The following C5 variants were observed in gnomAD, a reference collection of about 807,000 sequenced individuals.
C5 encodes the protein C3 and PZP-like alpha-2-macroglobulin domain-containing protein 4.
C5 carries 140 observed loss-of-function variants against 218.8 expected under a neutral mutation model. That is an observed-to-expected ratio of 0.64 (90% CI 0.56 to 0.74). The LOEUF (loss-of-function observed/expected upper bound fraction) is 0.74. Ranked by LOEUF, C5 falls within the 30% of genes least tolerant of loss-of-function variation. The probability of loss-of-function intolerance (pLI) is 0.00; values close to 1 mark genes in which losing one functional copy is unlikely to be tolerated. For synonymous variants in C5, 614 were observed against 682.3 expected (o/e 0.90, Z 1.56); for missense variants, 1,700 against 1,969.6 (o/e 0.86, Z 2.59).
intron 3 of C5, among the ~76,000 whole-genome samples, chr9:121,040,114 G>A (rs1034951637): frequency 1.3e-5 from 2 of 152,244 alleles, no homozygotes; most frequent in Non-Finnish European, 2.9e-5. Context: ...GCATGTAGAA[G>A]AGGGAGATTT....
At chr9:121,021,398 G>C (rs761122545) in intron 11 of C5, 111 bp downstream of exon 11, 1 of 818,766 alleles carries the variant, frequency 1.2e-6, no homozygotes, top group Non-Finnish European at 2.1e-6. Context: ...TTATGGAACT[G>C]TTCACTGGAC....
intron 7 of C5, among the ~76,000 whole-genome samples, chr9:121,028,703 G>A (rs1004937930): frequency 1.3e-5 from 2 of 152,098 alleles, no homozygotes; most frequent in Non-Finnish European, 2.9e-5. Context: ...ATGGGGTGGG[G>A]GACGGGGAGG....
intron 14 of C5, 152 bp downstream of exon 14, chr9:121,017,210 G>T: frequency 1.2e-6 from 1 of 815,408 alleles, no homozygotes; most frequent in Non-Finnish European, 2.0e-6. Flanking sequence ...TGTGCTTTGG[G>T]AGCTGACAGG....
intron 37 of C5, 149 bp downstream of exon 37, chr9:120,961,333 C>A: frequency 1.5e-6 from 1 of 677,938 alleles, no homozygotes. Context: ...TTACAATGCT[C>A]AAGGAATCAT....
intron 7 of C5, among the ~76,000 whole-genome samples, chr9:121,029,397 T>C (rs544805198): frequency 3.3e-5 from 5 of 152,336 alleles, no homozygotes; most frequent in African/African-American, 9.6e-5. Flanking sequence ...TTGAGCAAAT[T>C]ATTAAACATT....
intron 1 of C5, among the ~76,000 whole-genome samples, chr9:121,047,505 A>G (rs891982185): frequency 6.6e-6 from 1 of 152,036 alleles, no homozygotes; most frequent in African/African-American, 2.4e-5. Flanking sequence ...ATTACATAGG[A>G]AAAAAAAGTG....
intron 33 of C5, among the ~76,000 whole-genome samples, chr9:120,968,065 T>C (rs572174388): frequency 1.3e-5 from 2 of 152,210 alleles, no homozygotes; most frequent in African/African-American, 4.8e-5. Flanking sequence ...GTGGCTGTGG[T>C]AAGCAGAATA....
intron 20 of C5, among the ~76,000 whole-genome samples, chr9:121,004,690 T>C (rs2047201402): frequency 6.6e-6 from 1 of 151,982 alleles, no homozygotes; most frequent in Non-Finnish European, 1.5e-5. Context: ...TGAGAATTGC[T>C]TGAACAGGGG....
rs1457708899 is a variant in C5, at chr9:121,023,483, T to G, written c.1037A>C (p.Lys346Thr). 1 of 1,613,782 alleles carries G rather than the reference T, an allele frequency of 6.2e-7. No homozygotes were observed. The highest frequency in any genetic ancestry group is 1.1e-5 in the South Asian group (1 of 91,066). ...FSEEAEIPGI[K>T]YVLSPYKLNL... Reference sequence around the variant, plus strand: ...CAGTTTGTAGGGAGAGAGGACATATTTGATGCCAGGTATTTCTGCCTCTTC... The same window carrying G: ...CAGTTTGTAGGGAGAGAGGACATATGTGATGCCAGGTATTTCTGCCTCTTC... Residue 346 changes from lysine (K) to threonine (T), a missense_variant, in exon 10 of 41, where the codon AAA becomes ACA. Physicochemically the swap from Lys to Thr is moderately conservative, Grantham distance 78. Transcript: ENST00000223642.
intron 29 of C5, among the ~76,000 whole-genome samples, chr9:120,975,700 C>T (rs1376194867): frequency 6.6e-6 from 1 of 152,210 alleles, no homozygotes; most frequent in Non-Finnish European, 1.5e-5. Flanking sequence ...AGAATGCCTT[C>T]ACCAGGTGCA....
chr9:121,023,654 T>A, intron 9 of C5, 135 bp from the exon 10 acceptor site: 1 of 691,094 alleles, frequency 1.4e-6, no homozygotes, highest in Non-Finnish European at 2.7e-6. Flanking sequence ...CATTTACCAG[T>A]AGTAAGTAGG....
intron 7 of C5, among the ~76,000 whole-genome samples, chr9:121,028,666 G>A (rs190682994): frequency 2.8e-4 from 43 of 152,206 alleles, no homozygotes; most frequent in Non-Finnish European, 4.4e-4. Flanking sequence ...GACACAGTGC[G>A]GGGAACATCA....
chr9:120,962,992 G>A, intron 34 of C5, 25 bp from the exon 35 acceptor site: 1 of 1,562,454 alleles, frequency 6.4e-7, no homozygotes, highest in South Asian at 1.1e-5. Flanking sequence ...AGAGAAGCTT[G>A]AATTTCATTT....
chr9:120,996,340 T>C, intron 21 of C5, 40 bp from the exon 22 acceptor site: 1 of 1,540,170 alleles, frequency 6.5e-7, no homozygotes, highest in Non-Finnish European at 9.0e-7. Flanking sequence ...AAAACATAAG[T>C]TTATATAACC....
In C5 at chr9:120,970,191, T is replaced by C. The variant is rs2046900320; in HGVS notation, c.4141A>G (p.Ile1381Val). Residue 1381 changes from isoleucine to valine, a missense_variant, in exon 32 of 41, where the codon ATC becomes GTC. Ile to Val is a conservative substitution (Grantham distance 29). Coordinates refer to ENST00000223642, the MANE Select transcript of C5 (RefSeq NM_001735.3). ...SEEVCSFYLK[I>V]DTQDIEASHY... The stretch of plus-strand genomic sequence containing the variant: ...TTACCTTCAATATCCTGAGTATCGA[T>C]TTTCAAATAAAAGCTGCAAACTTCC... The C allele has an allele frequency of 6.2e-7, 1 of 1,613,152 alleles. No individual in the cohort carries two copies. Among genetic ancestry groups the C allele is most frequent in the African/African-American group, 1.3e-5 (1 of 75,036 alleles).
chr9:120,971,357 A>T (rs2046911740), intron 31 of C5, among the ~76,000 whole-genome samples: 1 of 151,756 alleles, frequency 6.6e-6, no homozygotes, highest in South Asian at 2.1e-4. Context: ...ATATGCGTAT[A>T]CACATATATA....
intron 22 of C5, among the ~76,000 whole-genome samples, chr9:120,994,063 T>C (rs1362721972): frequency 6.6e-6 from 1 of 152,122 alleles, no homozygotes; most frequent in Non-Finnish European, 1.5e-5. Flanking sequence ...AAGCAGAAAC[T>C]AAAGACTAGA....
intron 31 of C5, 86 bp from the exon 32 acceptor site, chr9:120,970,337 G>A: frequency 1.2e-6 from 1 of 845,344 alleles, no homozygotes; most frequent in Non-Finnish European, 2.0e-6. Flanking sequence ...GCTGCAGATG[G>A]GATGCTCGAA....
At chr9:120,981,032 G>C (rs538301450) in intron 27 of C5, among the ~76,000 whole-genome samples, 1 of 152,310 alleles carries the variant, frequency 6.6e-6, no homozygotes, top group Non-Finnish European at 1.5e-5. Flanking sequence ...AGTACTTTTA[G>C]ATCCTAAGAA....
Sources: gnomAD v4.1 joint callset for allele counts (sites outside exome capture counted in the v4.1 genomes callset) on GRCh38, gnomAD v4.1.1 for gene constraint, MANE v1.5 for transcripts, NCBI Gene and HGNC (gene_info 2026-07-23, HGNC 2026-07-21) for gene names.